Variants in IFT25 observed in about 807,000 individuals in gnomAD.
IFT25 encodes the protein intraflagellar transport protein 25 homolog.
the IFT25 span, among the ~76,000 whole-genome samples, chr1:53,920,648 G>A: frequency 3.3e-5 from 5 of 152,118 alleles, no homozygotes; most frequent in Non-Finnish European, 7.4e-5. Context: ...ATCTTTTCAT[G>A]GACTTAAGAA....
chr1:53,939,099 AAG>A, the IFT25 span, among the ~76,000 whole-genome samples: 2 of 150,500 alleles, frequency 1.3e-5, no homozygotes, highest in South Asian at 2.1e-4. Flanking sequence ...AAAAAAAAAA[AAG>A]AGTTCTCAGG....
the IFT25 span, among the ~76,000 whole-genome samples, chr1:53,914,910 A>C: frequency 6.6e-6 from 1 of 152,228 alleles, no homozygotes; most frequent in Non-Finnish European, 1.5e-5. Flanking sequence ...CATTTCTGTA[A>C]TATTTCTTTG....
the IFT25 span, chr1:53,928,481 G>C: frequency 1.4e-6 from 2 of 1,434,584 alleles, no homozygotes; most frequent in Non-Finnish European, 2.0e-6. Flanking sequence ...TAATCTGGCT[G>C]TATGTTTTTG....
chr1:53,941,235 C>A, the IFT25 span, among the ~76,000 whole-genome samples: 6 of 151,980 alleles, frequency 3.9e-5, no homozygotes, highest in African/African-American at 1.5e-4. Flanking sequence ...CCTTGTGATC[C>A]ACCCACCTCA....
At chr1:53,935,661 G>A in the IFT25 span, among the ~76,000 whole-genome samples, 1 of 149,560 alleles carries the variant, frequency 6.7e-6, no homozygotes, top group Admixed American at 6.6e-5. Flanking sequence ...ACAGGGTCTT[G>A]CTCTCTCACT....
chr1:53,917,663 C>A, the IFT25 span, among the ~76,000 whole-genome samples: 1 of 151,800 alleles, frequency 6.6e-6, no homozygotes, highest in East Asian at 1.9e-4. Context: ...CCCAACTCTA[C>A]TAAAAATACA....
At chr1:53,915,422 C>T in the IFT25 span, among the ~76,000 whole-genome samples, 1 of 151,056 alleles carries the variant, frequency 6.6e-6, no homozygotes, top group East Asian at 1.9e-4. Flanking sequence ...GGTGGCACTG[C>T]CCTCATCTTT....
the IFT25 span, among the ~76,000 whole-genome samples, chr1:53,939,390 CAAA>C: frequency 1.7e-4 from 11 of 63,048 alleles, no homozygotes; most frequent in East Asian, 1.1e-3. Context: ...GACTCTGTCT[CAAA>C]AAAAAAAAAA....
the IFT25 span, chr1:53,921,683 C>G: frequency 6.2e-7 from 1 of 1,611,550 alleles, no homozygotes; most frequent in South Asian, 1.1e-5. Context: ...ACTGTTCCTT[C>G]TGCAGAAACG....
the IFT25 span, among the ~76,000 whole-genome samples, chr1:53,918,231 C>G: frequency 6.6e-6 from 1 of 152,138 alleles, no homozygotes; most frequent in Admixed American, 6.5e-5. Flanking sequence ...CAAATTGATA[C>G]AAATACTTTA....
At chr1:53,945,682 C>T in the IFT25 span, 3 of 151,988 alleles carry the variant, frequency 2.0e-5, no homozygotes, top group African/African-American at 4.8e-5. Flanking sequence ...AGTCCGGGGT[C>T]GCGCGCGCTC....
At chr1:53,944,033 G>C in the IFT25 span, among the ~76,000 whole-genome samples, 1 of 152,176 alleles carries the variant, frequency 6.6e-6, no homozygotes, top group African/African-American at 2.4e-5. Context: ...ACATTCTTAA[G>C]TTTTCTGAGA....
chr1:53,925,988 G>C, the IFT25 span, among the ~76,000 whole-genome samples: 1 of 149,132 alleles, frequency 6.7e-6, no homozygotes, highest in Non-Finnish European at 1.5e-5. Context: ...TGTAATTCCA[G>C]CTACTCAGGA....
chr1:53,930,218 C>G, the IFT25 span: 1 of 1,382,858 alleles, frequency 7.2e-7, no homozygotes, highest in African/African-American at 1.5e-5. Context: ...TATTGAATAC[C>G]TGTTTTTTAA....
chr1:53,921,800 T>C, the IFT25 span: 33 of 1,314,422 alleles, frequency 2.5e-5, no homozygotes, highest in South Asian at 3.8e-4. Context: ...TAAATGCTTT[T>C]AGCAGTGCTA....
chr1:53,912,454 T>A, the IFT25 span, among the ~76,000 whole-genome samples: 2,729 of 152,262 alleles, frequency 0.018, 90 homozygotes, highest in African/African-American at 0.063. Context: ...CCAATGACCA[T>A]AACTCAAGGT....
the IFT25 span, chr1:53,930,142 A>G: frequency 6.5e-7 from 1 of 1,546,542 alleles, no homozygotes; most frequent in Non-Finnish European, 8.6e-7. Context: ...ACGTTTCTGG[A>G]TTCCTATTGT....
the IFT25 span, chr1:53,946,234 C>T: frequency 6.6e-6 from 1 of 152,008 alleles, no homozygotes; most frequent in Non-Finnish European, 1.5e-5. Context: ...GCGCAGGGCC[C>T]ACCTCTGCGA....
At chr1:53,931,912 C>T in the IFT25 span, among the ~76,000 whole-genome samples, 1 of 151,998 alleles carries the variant, frequency 6.6e-6, no homozygotes, top group African/African-American at 2.4e-5. Flanking sequence ...TTTTTTCTAG[C>T]TTCCTAAGGT....
Sources: allele counts gnomAD v4.1 joint callset (sites outside exome capture counted in the v4.1 genomes callset), GRCh38; gene constraint gnomAD v4.1.1; transcripts MANE v1.5; gene names NCBI Gene and HGNC (gene_info 2026-07-23, HGNC 2026-07-21).